Variants in WDR44 observed in about 807,000 individuals in gnomAD.
WDR44 encodes WD repeat-containing protein 44.
Under a neutral mutation model 65.7 loss-of-function variants are expected in WDR44, and 9 were observed. The observed-to-expected ratio is 0.14, with a 90% CI of 0.08 to 0.24. WDR44 has a LOEUF of 0.24. Among genes scored for constraint, WDR44 ranks in the 10% least tolerant of loss-of-function variants. The pLI is 1.00. For synonymous variants in WDR44, 220 were observed against 235.2 expected (o/e 0.94, Z 0.59); for missense variants, 425 against 670.9 (o/e 0.63, Z 4.05).
intron 2 of WDR44, among the ~76,000 whole-genome samples, chrX:118,379,327 A>G (rs1020466948): frequency 9.0e-6 from 1 of 111,369 alleles, no homozygotes; most frequent in African/African-American, 3.3e-5. Context: ...CAGTTCCAGT[A>G]TACCGACCTT....
intron 2 of WDR44, 146 bp downstream of exon 2, chrX:118,378,598 A>T: frequency 2.2e-6 from 1 of 454,935 alleles, no homozygotes; most frequent in South Asian, 4.3e-5. Flanking sequence ...CTTGGTATAC[A>T]TAGGTACTCT....
At position 118,449,184 on chromosome X, in the gene WDR44, A is replaced by G; in HGVS notation, c.*197A>G. ...TAGAAAGGAATATGGCTAGAATAAC[A>G]TTGCCAAACATTAGGCTTTATGTTT... On this transcript the variant is annotated 3_prime_UTR_variant, in exon 20 of 20. Transcript: ENST00000254029. 3.6e-6 allele frequency: 1 copy of G among 279,396 alleles called. No individual in the cohort carries two copies. The highest frequency in any genetic ancestry group is 1.4e-4 in the South Asian group (1 of 7,380). 23.0% of individuals were successfully genotyped at this position (279,396 alleles called of 1,213,427 possible).
chrX:118,359,358 G>T (rs1205579387), intron 1 of WDR44, among the ~76,000 whole-genome samples: 1 of 112,136 alleles, frequency 8.9e-6, no homozygotes, highest in African/African-American at 3.2e-5. Context: ...TTTACTGCAG[G>T]TATTTATTGA....
In WDR44 at chrX:118,346,937, G is replaced by A. The variant is rs750251987; in HGVS notation, c.77+357G>A. On this transcript the variant is annotated intron_variant, in intron 1 of 19. Coordinates refer to ENST00000254029, the MANE Select transcript of WDR44 (RefSeq NM_019045.5). Reference sequence around the variant, plus strand: ...GCTTACCTTTCAAACATCCGTTTTGGCCTCGGGGACCGTAGATTAAAGGAG... The same window carrying A: ...GCTTACCTTTCAAACATCCGTTTTGACCTCGGGGACCGTAGATTAAAGGAG... 4.4e-3 allele frequency among the ~76,000 whole-genome samples: 488 copies of A among 111,691 alleles called. 1 individual carries two copies. Among genetic ancestry groups the A allele is most frequent in the African/African-American group, 0.015 (458 of 30,720 alleles).
chrX:118,366,962 C>T (rs934070708), intron 1 of WDR44, among the ~76,000 whole-genome samples: 4 of 110,325 alleles, frequency 3.6e-5, no homozygotes, highest in South Asian at 3.8e-4. Flanking sequence ...GGCGGGCGCC[C>T]GTAGTCCCAG....
At chrX:118,409,659 A>G (rs773866106) in intron 11 of WDR44, 32 bp downstream of exon 11, 2 of 1,145,695 alleles carry the variant, frequency 1.7e-6, no homozygotes, top group Non-Finnish European at 2.3e-6. Context: ...ATCTACAGAA[A>G]CCTGAAGTTT....
chrX:118,360,575 A>G (rs1267565968), intron 1 of WDR44, among the ~76,000 whole-genome samples: 1 of 111,340 alleles, frequency 9.0e-6, no homozygotes, highest in African/African-American at 3.3e-5. Flanking sequence ...AACTTGCTGG[A>G]CTTTAGAAAT....
chrX:118,406,126 T>A (rs1346827931), intron 9 of WDR44, among the ~76,000 whole-genome samples: 1 of 112,106 alleles, frequency 8.9e-6, no homozygotes, highest in Non-Finnish European at 1.9e-5. Context: ...AGACCCTGTC[T>A]TTAAAAAAGA....
At chrX:118,434,704 A>T (rs2057239666) in intron 13 of WDR44, among the ~76,000 whole-genome samples, 1 of 111,651 alleles carries the variant, frequency 9.0e-6, no homozygotes, top group Admixed American at 9.6e-5. Flanking sequence ...CTCCATCCAG[A>T]GGAAAGGAAC....
At chrX:118,414,257 CTTTTTT>C (rs565805780) in intron 12 of WDR44, among the ~76,000 whole-genome samples, 1 of 46,735 alleles carries the variant, frequency 2.1e-5, no homozygotes, top group Non-Finnish European at 4.2e-5. Flanking sequence ...CTTGCGATTG[CTTTTTT>C]TTTTTTTTTT....
chrX:118,427,683 C>CT lies in WDR44; in HGVS notation c.1738-5082dup, dbSNP rs1226853723. ...AAGTAAGCTCCATGAGGGCAGGAATCTTTTTTTTTTTTTTTTCTTTTCGCT... is the reference window on the plus strand; with the variant it reads ...AAGTAAGCTCCATGAGGGCAGGAATCTTTTTTTTTTTTTTTTTCTTTTCGCT... On this transcript the variant is annotated intron_variant, in intron 12 of 19. Coordinates refer to ENST00000254029, the MANE Select transcript of WDR44 (RefSeq NM_019045.5). Among the ~76,000 whole-genome samples the CT allele has an allele frequency of 3.8e-3, 352 of 91,663 alleles. 1 individual carries two copies. The highest frequency in any genetic ancestry group is 7.5e-3 in the African/African-American group (187 of 24,994). 79.6% of individuals were successfully genotyped at this position (91,663 alleles called of 115,157 possible).
At chrX:118,382,514 T>G (rs1455317837) in intron 2 of WDR44, among the ~76,000 whole-genome samples, 1 of 112,366 alleles carries the variant, frequency 8.9e-6, no homozygotes, top group African/African-American at 3.2e-5. Context: ...AATTTCACTT[T>G]AGTAGCTTCC....
chrX:118,426,558 T>C (rs1162317500), intron 12 of WDR44, among the ~76,000 whole-genome samples: 2 of 109,551 alleles, frequency 1.8e-5, no homozygotes, highest in Non-Finnish European at 3.8e-5. Flanking sequence ...CAACAAAAAT[T>C]AGCTGAGTGT....
chrX:118,408,400 T>C (rs1398622137), intron 10 of WDR44, among the ~76,000 whole-genome samples: 4 of 109,380 alleles, frequency 3.7e-5, no homozygotes, highest in Non-Finnish European at 5.7e-5. Context: ...AACTACCTTT[T>C]TTTTTTTTTC....
intron 13 of WDR44, 159 bp from the exon 14 acceptor site, chrX:118,436,543 G>T: frequency 1.5e-6 from 1 of 652,730 alleles, no homozygotes; most frequent in Non-Finnish European, 2.5e-6. Context: ...GGGGAAAATA[G>T]GATCTTCCAA....
chrX:118,380,944 G>A (rs1039053746), intron 2 of WDR44, among the ~76,000 whole-genome samples: 1 of 111,606 alleles, frequency 9.0e-6, no homozygotes, highest in Non-Finnish European at 1.9e-5. Context: ...AAATAGTAGG[G>A]ACTAATAAAT....
chrX:118,391,067 A>T (rs1333500251), intron 3 of WDR44, among the ~76,000 whole-genome samples: 1 of 112,299 alleles, frequency 8.9e-6, no homozygotes, highest in Non-Finnish European at 1.9e-5. Context: ...AATACACAGT[A>T]GGCCTTCTTT....
At chrX:118,448,826 A>G in intron 19 of WDR44, 67 bp from the exon 20 acceptor site, 1 of 750,236 alleles carries the variant, frequency 1.3e-6, no homozygotes. Flanking sequence ...TGGGCATGTG[A>G]TAATTGTGGC....
At chrX:118,408,738 A>G (rs944669659) in intron 10 of WDR44, among the ~76,000 whole-genome samples, 5 of 111,748 alleles carry the variant, frequency 4.5e-5, no homozygotes, top group African/African-American at 1.6e-4. Context: ...TGGATGCTAT[A>G]CGGGTCACTG....
Sources: gnomAD v4.1 joint callset for allele counts (sites outside exome capture counted in the v4.1 genomes callset) on GRCh38, gnomAD v4.1.1 for gene constraint, MANE v1.5 for transcripts, NCBI Gene and HGNC (gene_info 2026-07-23, HGNC 2026-07-21) for gene names.